The following IFT25 variants were observed in gnomAD, a reference collection of about 807,000 sequenced individuals.
IFT25 encodes intraflagellar transport protein 25 homolog.
chr1:53,917,091 C>A, the IFT25 span: 1 of 189,412 alleles, frequency 5.3e-6, no homozygotes, highest in Non-Finnish European at 1.1e-5. Context: ...TTGCAGTGAG[C>A]CAAGATAGCG....
chr1:53,918,311 A>G, the IFT25 span, among the ~76,000 whole-genome samples: 6 of 152,220 alleles, frequency 3.9e-5, no homozygotes, highest in African/African-American at 1.4e-4. Context: ...GCATTTTGTT[A>G]TAATTACTAG....
chr1:53,940,160 C>G, the IFT25 span: 63 of 826,756 alleles, frequency 7.6e-5, 1 homozygote, highest in South Asian at 7.2e-4. Context: ...TCTGAGAAAA[C>G]GAAGTGAGAA....
the IFT25 span, chr1:53,921,479 G>A: frequency 1.8e-6 from 1 of 555,844 alleles, no homozygotes; most frequent in Non-Finnish European, 3.2e-6. Context: ...TTTCCCCCAT[G>A]GTGGCCAGTA....
At chr1:53,940,246 T>G in the IFT25 span, 1 of 580,222 alleles carries the variant, frequency 1.7e-6, no homozygotes, top group East Asian at 2.9e-5. Context: ...CATGTTTGTT[T>G]AGGTAAGAAA....
chr1:53,929,846 C>T, the IFT25 span: 3 of 898,552 alleles, frequency 3.3e-6, no homozygotes, highest in Non-Finnish European at 4.5e-6. Flanking sequence ...AGGCATTTAC[C>T]TCATAATCCC....
chr1:53,927,582 G>T, the IFT25 span, among the ~76,000 whole-genome samples: 4 of 152,150 alleles, frequency 2.6e-5, no homozygotes, highest in African/African-American at 9.7e-5. Context: ...ACCTAGTTTT[G>T]TAGGACGGAA....
the IFT25 span, chr1:53,924,024 C>A: frequency 1.0e-5 from 9 of 881,136 alleles, no homozygotes; most frequent in Middle Eastern, 6.7e-4. Context: ...TTATGTTCAG[C>A]AAAATATGAT....
the IFT25 span, among the ~76,000 whole-genome samples, chr1:53,922,524 A>G: frequency 1.5e-4 from 23 of 152,308 alleles, no homozygotes; most frequent in South Asian, 4.8e-3. Context: ...ATTTCTCTGG[A>G]AAGCAATTAG....
chr1:53,942,909 G>A, the IFT25 span, among the ~76,000 whole-genome samples: 1 of 152,198 alleles, frequency 6.6e-6, no homozygotes, highest in Admixed American at 6.5e-5. Context: ...TCAGTTCTGG[G>A]TACTACGTTT....
chr1:53,929,249 C>T, the IFT25 span, among the ~76,000 whole-genome samples: 1 of 152,214 alleles, frequency 6.6e-6, no homozygotes, highest in Non-Finnish European at 1.5e-5. Flanking sequence ...TTGACAGTTT[C>T]TCCTGCCTAC....
the IFT25 span, among the ~76,000 whole-genome samples, chr1:53,919,407 T>C: frequency 1.3e-5 from 2 of 152,186 alleles, no homozygotes; most frequent in African/African-American, 4.8e-5. Context: ...AAGAAACAAC[T>C]TGGAGCAGAG....
the IFT25 span, among the ~76,000 whole-genome samples, chr1:53,917,809 AAGAG>A: frequency 1.1e-3 from 167 of 152,242 alleles, no homozygotes; most frequent in African/African-American, 3.6e-3. Context: ...CCTGGGCAAC[AAGAG>A]AGAAACTCCG....
chr1:53,924,099 AAT>A, the IFT25 span: 53 of 588,194 alleles, frequency 9.0e-5, no homozygotes, highest in African/African-American at 8.9e-4. Flanking sequence ...TTAATTTAAA[AAT>A]AGAGGTATAT....
the IFT25 span, chr1:53,929,829 G>A: frequency 1.4e-6 from 1 of 691,280 alleles, no homozygotes; most frequent in Non-Finnish European, 2.1e-6. Context: ...GAGGCCAACT[G>A]AGCTCAAGGC....
At chr1:53,935,990 G>A in the IFT25 span, among the ~76,000 whole-genome samples, 5 of 151,906 alleles carry the variant, frequency 3.3e-5, no homozygotes, top group Admixed American at 6.6e-5. Flanking sequence ...GGCCGGGCGC[G>A]GTGGCTCATG....
chr1:53,929,408 C>T, the IFT25 span: 1 of 152,256 alleles, frequency 6.6e-6, no homozygotes, highest in African/African-American at 2.4e-5. Context: ...GTTCCCTTAA[C>T]CCAGGCCATA....
At chr1:53,914,577 AAAC>A in the IFT25 span, among the ~76,000 whole-genome samples, 1 of 152,176 alleles carries the variant, frequency 6.6e-6, no homozygotes, top group African/African-American at 2.4e-5. Context: ...TCTGTCTTAT[AAAC>A]ATCATTGCTA....
At chr1:53,944,592 C>G in the IFT25 span, among the ~76,000 whole-genome samples, 1 of 152,190 alleles carries the variant, frequency 6.6e-6, no homozygotes, top group East Asian at 1.9e-4. Flanking sequence ...CTCAGTGAGG[C>G]GAGACCGCGC....
At chr1:53,912,447 A>G in the IFT25 span, among the ~76,000 whole-genome samples, 876 of 152,326 alleles carry the variant, frequency 5.8e-3, 2 homozygotes, top group Middle Eastern at 0.014. Flanking sequence ...ATACACTCCA[A>G]TGACCATAAC....
Sources: gnomAD v4.1 joint callset for allele counts (sites outside exome capture counted in the v4.1 genomes callset) on GRCh38, gnomAD v4.1.1 for gene constraint, MANE v1.5 for transcripts, NCBI Gene and HGNC (gene_info 2026-07-23, HGNC 2026-07-21) for gene names.